PXDNL: variants seen among roughly 807,000 people sequenced by gnomAD.
PXDNL encodes probable oxidoreductase PXDNL.
A neutral mutation model predicts 150.8 loss-of-function variants in PXDNL; 145 were observed. The ratio of observed to expected loss-of-function variants is 0.96; its 90% CI spans 0.84 to 1.10. The LOEUF (loss-of-function observed/expected upper bound fraction) is 1.10. Ranked by LOEUF, PXDNL falls within the 50% of genes least tolerant of loss-of-function variation. PXDNL has a pLI of 0.00. For synonymous variants in PXDNL, 757 were observed against 725.7 expected, an observed-to-expected ratio of 1.04 and a Z score of -0.69; for missense variants, 2,087 against 1,873.9, an observed-to-expected ratio of 1.11 and a Z score of -2.10.
At chr8:51,381,666 A>G (rs1807551532) in intron 17 of PXDNL, among the ~76,000 whole-genome samples, 1 of 105,550 alleles carries the variant, frequency 9.5e-6, no homozygotes, top group South Asian at 3.4e-4. Flanking sequence ...TTATTTATTT[A>G]TTTTTGAGAC....
At chr8:51,550,870 C>T (rs1180915939) in intron 4 of PXDNL, among the ~76,000 whole-genome samples, 1 of 152,286 alleles carries the variant, frequency 6.6e-6, no homozygotes, top group East Asian at 1.9e-4. Flanking sequence ...AAAGAGGAGT[C>T]AAACTGTCGT....
At chr8:51,374,450 A>G (rs1463405862) in intron 18 of PXDNL, 147 bp downstream of exon 18, 1 of 686,180 alleles carries the variant, frequency 1.5e-6, no homozygotes, top group East Asian at 2.9e-5. Context: ...GGTGGTTACA[A>G]AAGTTCTGTC....
At chr8:51,450,759 C>G (rs374612622) in intron 10 of PXDNL, among the ~76,000 whole-genome samples, 3 of 152,210 alleles carry the variant, frequency 2.0e-5, no homozygotes, top group South Asian at 4.2e-4. Context: ...AGCTGGAAAA[C>G]AGCCCACAAA....
At chr8:51,349,609 T>C (rs931101308) in intron 19 of PXDNL, among the ~76,000 whole-genome samples, 2 of 152,172 alleles carry the variant, frequency 1.3e-5, no homozygotes, top group Non-Finnish European at 2.9e-5. Flanking sequence ...GCCTAGTAAA[T>C]GCTTTAATAA....
chr8:51,437,385 A>G (rs1223829994), intron 12 of PXDNL, among the ~76,000 whole-genome samples: 1 of 152,190 alleles, frequency 6.6e-6, no homozygotes, highest in Non-Finnish European at 1.5e-5. Context: ...GACATAACAG[A>G]AAAAGAAAAC....
chr8:51,473,345 T>C (rs1202553632), intron 7 of PXDNL, among the ~76,000 whole-genome samples: 1 of 145,160 alleles, frequency 6.9e-6, no homozygotes, highest in East Asian at 2.1e-4. Flanking sequence ...AATGCTTAGA[T>C]GGAAAATAAA....
At chr8:51,583,927 C>T (rs371426767) in intron 3 of PXDNL, among the ~76,000 whole-genome samples, 45 of 152,186 alleles carry the variant, frequency 3.0e-4, no homozygotes, top group East Asian at 2.1e-3. Context: ...AAAAGATAGA[C>T]GTATAGGAAG....
At chr8:51,591,503 G>A (rs1197755417) in intron 3 of PXDNL, among the ~76,000 whole-genome samples, 3 of 152,126 alleles carry the variant, frequency 2.0e-5, no homozygotes, top group African/African-American at 7.2e-5. Flanking sequence ...GTATAAATTT[G>A]GTCAGAGCTA....
intron 20 of PXDNL, among the ~76,000 whole-genome samples, chr8:51,344,096 G>GT (rs1243394892): frequency 6.6e-6 from 1 of 151,748 alleles, no homozygotes; most frequent in African/African-American, 2.4e-5. Context: ...TTCATTTTGG[G>GT]TTTTTTGTTT....
chr8:51,569,989 C>A (rs576591112), intron 3 of PXDNL, among the ~76,000 whole-genome samples: 5 of 151,896 alleles, frequency 3.3e-5, no homozygotes, highest in South Asian at 4.1e-4. Flanking sequence ...GGGATCACTG[C>A]GAAGCTGCAG....
intron 9 of PXDNL, among the ~76,000 whole-genome samples, chr8:51,456,477 G>A (rs1014392076): frequency 9.9e-5 from 15 of 152,176 alleles, no homozygotes; most frequent in Admixed American, 9.2e-4. Flanking sequence ...ACTGGGATGG[G>A]CTGGAGCCGG....
At chr8:51,782,824 T>C (rs1185113794) in intron 1 of PXDNL, among the ~76,000 whole-genome samples, 1 of 152,230 alleles carries the variant, frequency 6.6e-6, no homozygotes, top group Non-Finnish European at 1.5e-5. Flanking sequence ...ATTTCTCTTA[T>C]AGGCAGAAAA....
At chr8:51,750,335 C>T (rs962611285) in intron 1 of PXDNL, among the ~76,000 whole-genome samples, 4 of 152,278 alleles carry the variant, frequency 2.6e-5, no homozygotes, top group South Asian at 4.2e-4. Flanking sequence ...GGCAAAAGCA[C>T]GCATGGAGCT....
intron 17 of PXDNL, among the ~76,000 whole-genome samples, chr8:51,404,019 C>G (rs1808355945): frequency 6.6e-6 from 1 of 152,168 alleles, no homozygotes; most frequent in African/African-American, 2.4e-5. Context: ...GTGAGTGTTA[C>G]AGCTCTTAAG....
intron 17 of PXDNL, among the ~76,000 whole-genome samples, chr8:51,403,936 G>A (rs1025264077): frequency 3.3e-5 from 5 of 152,158 alleles, no homozygotes; most frequent in Admixed American, 6.6e-5. Flanking sequence ...ATGTTCGGAC[G>A]TGTTCAGAGT....
chr8:51,478,263 C>CA (rs1231904227), intron 6 of PXDNL, among the ~76,000 whole-genome samples: 4 of 152,050 alleles, frequency 2.6e-5, no homozygotes, highest in Non-Finnish European at 5.9e-5. Flanking sequence ...TACTGTTCTC[C>CA]ATTTTGAAAG....
intron 19 of PXDNL, among the ~76,000 whole-genome samples, chr8:51,366,254 G>A (rs1001491685): frequency 6.6e-6 from 1 of 152,230 alleles, no homozygotes; most frequent in African/African-American, 2.4e-5. Flanking sequence ...TCCTGTGTCA[G>A]CTGAGCCTCA....
intron 3 of PXDNL, among the ~76,000 whole-genome samples, chr8:51,587,743 C>T (rs1201183273): frequency 3.3e-5 from 5 of 151,368 alleles, no homozygotes; most frequent in Admixed American, 6.6e-5. Flanking sequence ...TTAAGATTAA[C>T]TCAACATAAC....
At chr8:51,437,608 T>G (rs1157906591) in intron 12 of PXDNL, among the ~76,000 whole-genome samples, 1 of 152,186 alleles carries the variant, frequency 6.6e-6, no homozygotes, top group Admixed American at 6.5e-5. Context: ...TATCAATAGA[T>G]GCAGAAAAAG....
Sources: gnomAD v4.1 joint callset for allele counts (sites outside exome capture counted in the v4.1 genomes callset) on GRCh38, gnomAD v4.1.1 for gene constraint, MANE v1.5 for transcripts, NCBI Gene and HGNC (gene_info 2026-07-23, HGNC 2026-07-21) for gene names.